Variants in WNT5B observed in about 807,000 individuals in gnomAD.
WNT5B encodes the protein Wnt family member 5B, also known as protein Wnt-5b.
WNT5B carries 18 observed loss-of-function variants against 36.5 expected under a neutral mutation model. The ratio of observed to expected loss-of-function variants is 0.49; its 90% CI spans 0.34 to 0.73. WNT5B has a LOEUF of 0.73. WNT5B is among the 30% of genes least tolerant of loss of function. The probability of loss-of-function intolerance (pLI) is 0.01; values close to 1 mark genes in which losing one functional copy is unlikely to be tolerated. For synonymous variants in WNT5B, 213 were observed against 212.3 expected, an observed-to-expected ratio of 1.00 and a Z score of -0.03; for missense variants, 424 against 508.4, an observed-to-expected ratio of 0.83 and a Z score of 1.60.
At chr12:1,619,520 G>T (rs1023985159) in intron 1 of WNT5B, among the ~76,000 whole-genome samples, 1 of 152,164 alleles carries the variant, frequency 6.6e-6, no homozygotes, top group African/African-American at 2.4e-5. Flanking sequence ...TGCAGATAAA[G>T]TCATTGGTAC....
chr12:1,639,443 T>A (rs2094569370), intron 3 of WNT5B, among the ~76,000 whole-genome samples: 1 of 151,906 alleles, frequency 6.6e-6, no homozygotes, highest in African/African-American at 2.4e-5. Context: ...GGCCAGGGAC[T>A]TGTTTTCTTC....
chr12:1,640,555 C>T (rs944308769), intron 4 of WNT5B, among the ~76,000 whole-genome samples: 4 of 152,296 alleles, frequency 2.6e-5, no homozygotes, highest in Admixed American at 1.3e-4. Context: ...GAGGAAACAG[C>T]CTCCCCAGTC....
chr12:1,637,749 CA>C (rs35102133), intron 3 of WNT5B, among the ~76,000 whole-genome samples: 6,827 of 117,828 alleles, frequency 0.058, 205 homozygotes, highest in African/African-American at 0.12. Context: ...GACTCTGTCT[CA>C]AAAAAAAAAA....
At chr12:1,643,815 C>T (rs908151982) in intron 4 of WNT5B, among the ~76,000 whole-genome samples, 63 of 136,766 alleles carry the variant, frequency 4.6e-4, no homozygotes, top group Non-Finnish European at 8.3e-4. Flanking sequence ...TGTATATATA[C>T]ATATATATAT....
In WNT5B at chr12:1,639,903, A is replaced by G. The variant is rs2094571369; in HGVS notation, c.548A>G (p.Lys183Arg). 2 of 1,613,970 alleles carry G rather than the reference A, an allele frequency of 1.2e-6. No homozygotes were observed. Among genetic ancestry groups the G allele is most frequent in the Non-Finnish European group, 1.7e-6 (2 of 1,179,986 alleles). ...TTTGTGGATGCCCGGGAGCGAGAGA[A>G]GAACTTTGCCAAAGGATCAGAGGAG... The part of the protein sequence containing the change: ...KEFVDARERE[K>R]NFAKGSEEQG... Residue 183 changes from lysine to arginine, a missense_variant, in exon 4 of 5, where the codon AAG becomes AGG. Lys to Arg is a conservative substitution (Grantham distance 26). Coordinates refer to ENST00000397196, the MANE Select transcript of WNT5B (RefSeq NM_032642.3).
intron 1 of WNT5B, among the ~76,000 whole-genome samples, chr12:1,621,466 A>C (rs1166210656): frequency 6.6e-6 from 1 of 152,186 alleles, no homozygotes; most frequent in African/African-American, 2.4e-5. Context: ...TTGCCCCCAG[A>C]AACTGGAAGC....
In WNT5B at chr12:1,639,774, C is replaced by T; in HGVS notation, c.419C>T (p.Thr140Ile). 1 of 1,609,956 alleles carries T rather than the reference C, an allele frequency of 6.2e-7. No homozygotes were observed. Reference protein sequence around the residue: ...SRACREGELSTCGCSRTARPK... With the variant: ...SRACREGELSICGCSRTARPK... Reference sequence around the variant, plus strand: ...GCCTGCCGCGAGGGCGAGCTCTCCACCTGCGGCTGCAGCCGGACGGCGCGG... The same window carrying T: ...GCCTGCCGCGAGGGCGAGCTCTCCATCTGCGGCTGCAGCCGGACGGCGCGG... Residue 140 changes from threonine to isoleucine, a missense_variant, in exon 4 of 5, where the codon ACC becomes ATC. Transcript: ENST00000397196.
In WNT5B at chr12:1,646,326, T is replaced by A; in HGVS notation, c.*74T>A. 2 of 1,194,106 alleles carry A rather than the reference T, an allele frequency of 1.7e-6. No homozygotes were observed. The highest frequency in any genetic ancestry group is 2.3e-5 in the South Asian group (1 of 43,040). The allele number at this position is 1,194,106 out of a possible 1,614,324, so 74.0% of individuals were successfully genotyped here. Reference sequence around the variant, plus strand: ...TATATTATATAAATCTATATAAATCTATTTTATATTTGTATAAGTAAATGG... The same window carrying A: ...TATATTATATAAATCTATATAAATCAATTTTATATTTGTATAAGTAAATGG... On this transcript the variant is annotated 3_prime_UTR_variant, in exon 5 of 5. Transcript: ENST00000397196.
rs1433355167 is a variant in WNT5B at position 1,630,713 on chromosome 12, T to A, written c.-57-585T>A. 6.6e-6 allele frequency: 1 copy of A among 152,174 alleles called. No individual in the cohort carries two copies. Among genetic ancestry groups the A allele is most frequent in the Non-Finnish European group, 1.5e-5 (1 of 68,074 alleles). The allele number at this position is 152,174 out of a possible 1,614,324, so 9.4% of individuals were successfully genotyped here. On this transcript the variant is annotated intron_variant, in intron 1 of 4. Coordinates refer to ENST00000397196, the MANE Select transcript of WNT5B (RefSeq NM_032642.3). The surrounding 1 kb of genome is among the most constrained non-coding windows in gnomAD (Gnocchi z 5.3). ...GAAGCTGCCTTGAGAAAGTGAAAAG[T>A]CCTTGATCTGTACGCAGGGGTTGGG...
intron 1 of WNT5B, among the ~76,000 whole-genome samples, chr12:1,629,575 C>T (rs910940746): frequency 1.3e-5 from 2 of 151,894 alleles, no homozygotes; most frequent in African/African-American, 4.8e-5. Flanking sequence ...CAGGAGGGCA[C>T]GGGCGGCCCT....
chr12:1,633,017 G>T lies in WNT5B; in HGVS notation c.328+112G>T. The T allele has an allele frequency of 6.9e-7, 1 of 1,457,978 alleles. No individual in the cohort carries two copies. 90.3% of individuals were successfully genotyped at this position (1,457,978 alleles called of 1,614,324 possible). On this transcript the variant is annotated intron_variant, in intron 3 of 4. Transcript: ENST00000397196. The surrounding 1 kb of genome is among the most constrained non-coding windows in gnomAD (Gnocchi z 4.8). ...GAGAGCCCAAAGGCAGCCTAAGTGG[G>T]CTCTCTCTAGGCTTGGCAGCAGTGT... is the stretch of plus-strand genomic sequence containing the variant.
At chr12:1,628,386 G>C (rs548180209), upstream of WNT5B, among the ~76,000 whole-genome samples, 2 of 152,248 alleles carry the variant, frequency 1.3e-5, no homozygotes, top group African/African-American at 2.4e-5. Flanking sequence ...TCGAACTCCT[G>C]ACCTCAGGTG....
intron 1 of WNT5B, among the ~76,000 whole-genome samples, chr12:1,619,229 G>A (rs370978758): frequency 1.3e-4 from 19 of 151,366 alleles, no homozygotes; most frequent in African/African-American, 4.4e-4. Context: ...AAGGACTGCT[G>A]CAATCATGGT....
chr12:1,627,755 C>G (rs2094543253), upstream of WNT5B, among the ~76,000 whole-genome samples: 1 of 152,126 alleles, frequency 6.6e-6, no homozygotes, highest in Non-Finnish European at 1.5e-5. This position sits in a 1 kb window ranked among gnomAD's most constrained non-coding sequence, Gnocchi z 5.0. Flanking sequence ...TCCCCTCCCA[C>G]CATCCTGCCT....
In WNT5B at chr12:1,634,328, C is replaced by T. The variant is rs569545081; in HGVS notation, c.328+1423C>T. 4.6e-5 allele frequency among the ~76,000 whole-genome samples: 7 copies of T among 152,286 alleles called. No homozygotes were observed. The East Asian group carries it at 7.7e-4, about 17-fold the overall frequency. ...TGCGTTTTGGGCAATGAAACTAGGA[C>T]GGCCCAGGTGCAGAGTCTCCTCTAA... On this transcript the variant is annotated intron_variant, in intron 3 of 4. Coordinates refer to ENST00000397196, the MANE Select transcript of WNT5B (RefSeq NM_032642.3).
At chr12:1,634,893 CT>C (rs1196087577) in intron 3 of WNT5B, among the ~76,000 whole-genome samples, 1 of 152,216 alleles carries the variant, frequency 6.6e-6, no homozygotes, top group Non-Finnish European at 1.5e-5. Flanking sequence ...TGAAATTGTT[CT>C]GCTGTCTCCT....
chr12:1,622,316 A>G (rs2094535123), intron 1 of WNT5B, among the ~76,000 whole-genome samples: 1 of 152,088 alleles, frequency 6.6e-6, no homozygotes, highest in African/African-American at 2.4e-5. Context: ...CTTATAGTGT[A>G]CTTTTCTGGG....
At chr12:1,641,960 G>A (rs1366155716) in intron 4 of WNT5B, among the ~76,000 whole-genome samples, 3 of 152,238 alleles carry the variant, frequency 2.0e-5, no homozygotes, top group Non-Finnish European at 4.4e-5. Context: ...ATCAGCCATG[G>A]GACATCAGGT....
Position 1,623,187 on chromosome 12 carries a change from GTTTTT to G in WNT5B, c.-58+6066_-58+6070del, listed in dbSNP as rs771500550. The stretch of plus-strand genomic sequence containing the variant: ...GGAAACCTTTGAAGGGTTTTTTGTT[GTTTTT>G]TTTTTTTTTTTTTTTTTTTTTGAGA... On this transcript the variant is annotated intron_variant, in intron 1 of 4. Transcript: ENST00000310594. 1.5e-4 allele frequency among the ~76,000 whole-genome samples: 9 copies of G among 58,378 alleles called. No individual in the cohort carries two copies. In the South Asian group the frequency reaches 6.7e-3, roughly 43 times the overall value. The allele number at this position is 58,378 out of a possible 152,430, so 38.3% of individuals were successfully genotyped here.
Sources: gnomAD v4.1 joint callset for allele counts (sites outside exome capture counted in the v4.1 genomes callset) on GRCh38, gnomAD v4.1.1 for gene constraint, Gnocchi (gnomAD v3.1) non-coding constraint, MANE v1.5 for transcripts, NCBI Gene and HGNC (gene_info 2026-07-23, HGNC 2026-07-21) for gene names.